Variants in C2orf74 observed in about 807,000 individuals in gnomAD.
C2orf74 encodes the protein DPM1 ER membrane anchor 1.
C2orf74 carries 14 observed loss-of-function variants against 17.9 expected under a neutral mutation model. That is an observed-to-expected ratio of 0.78 (90% CI 0.52 to 1.22). The LOEUF (loss-of-function observed/expected upper bound fraction) is 1.22, where lower values mean the gene tolerates loss of function less well. Among genes scored for constraint, C2orf74 ranks in the 50% most tolerant of loss-of-function variants. C2orf74 has a pLI of 0.00. For synonymous variants in C2orf74, 79 were observed against 72.6 expected, an observed-to-expected ratio of 1.09 and a Z score of -0.44; for missense variants, 217 against 218.4, an observed-to-expected ratio of 0.99 and a Z score of 0.04.
At chr2:61,158,198 G>T (rs140223092), upstream of C2orf74, among the ~76,000 whole-genome samples, 632 of 152,244 alleles carry the variant, frequency 4.2e-3, 3 homozygotes, top group South Asian at 9.5e-3. Context: ...CCACATTAAG[G>T]TCCAGATACC....
Position 61,147,487 on chromosome 2 carries a change from A to G in C2orf74, c.-122+2291A>G, listed in dbSNP as rs527434025. ...GTATCGAAAACCTTCCTCTTGCTGC[A>G]TGTCCTCACCAGTTCTTAGAATTGA... On this transcript the variant is annotated intron_variant, in intron 1 of 3. Transcript: ENST00000426997. Among the ~76,000 whole-genome samples the G allele has an allele frequency of 8.5e-5, 13 of 152,302 alleles. No homozygotes were observed. The East Asian group carries it at 2.5e-3, about 29-fold the overall frequency.
chr2:61,146,383 T>C (rs1685070534), intron 1 of C2orf74, among the ~76,000 whole-genome samples: 2 of 152,200 alleles, frequency 1.3e-5, no homozygotes, highest in Non-Finnish European at 2.9e-5. Context: ...AAGAAACTAA[T>C]AGTCATGGTT....
intron 1 of C2orf74, among the ~76,000 whole-genome samples, chr2:61,147,194 A>G (rs1685096872): frequency 6.8e-6 from 1 of 147,432 alleles, no homozygotes; most frequent in South Asian, 2.1e-4. Flanking sequence ...AAAAAAGGTG[A>G]AATTATGGGA....
intron 4 of C2orf74, among the ~76,000 whole-genome samples, chr2:61,163,616 T>A (rs1466665531): frequency 1.3e-5 from 2 of 150,634 alleles, no homozygotes; most frequent in African/African-American, 4.9e-5. Flanking sequence ...AAAATAATAA[T>A]AATAATAAAT....
intron 1 of C2orf74, among the ~76,000 whole-genome samples, chr2:61,156,433 C>CT (rs1685394150): frequency 6.6e-6 from 1 of 151,792 alleles, no homozygotes; most frequent in Non-Finnish European, 1.5e-5. Flanking sequence ...AACAATGAAA[C>CT]AAAATGGATG....
At position 61,145,168 on chromosome 2, in the gene C2orf74, C is replaced by T. The variant is rs1029894947; in HGVS notation, c.-150C>T. 5 of 152,200 alleles carry T rather than the reference C, an allele frequency of 3.3e-5. No homozygotes were observed. The East Asian group carries it at 9.4e-4, about 29-fold the overall frequency. The allele number at this position is 152,200 out of a possible 1,614,324, so 9.4% of individuals were successfully genotyped here. ...GAGAGTCTTAAAATCCTGCTCTGGC[C>T]GGATTCCAGACTCGTGGGGGAAAGG... On this transcript the variant is annotated 5_prime_UTR_variant, in exon 1 of 4. Coordinates refer to the C2orf74 transcript ENST00000426997.
At chr2:61,163,708 AT>A (rs1685644903) in intron 4 of C2orf74, among the ~76,000 whole-genome samples, 1 of 152,142 alleles carries the variant, frequency 6.6e-6, no homozygotes, top group Non-Finnish European at 1.5e-5. Context: ...CATTTAAGCC[AT>A]TCTGGTTGCT....
chr2:61,151,111 T>G (rs1459133658), intron 1 of C2orf74, among the ~76,000 whole-genome samples: 1 of 150,240 alleles, frequency 6.7e-6, no homozygotes, highest in Non-Finnish European at 1.5e-5. Flanking sequence ...AGGTCAGGAG[T>G]TCAAGACCAG....
intron 1 of C2orf74, among the ~76,000 whole-genome samples, chr2:61,150,460 A>C (rs1685192333): frequency 6.6e-6 from 1 of 152,206 alleles, no homozygotes; most frequent in Admixed American, 6.5e-5. Flanking sequence ...CACTAACAGG[A>C]TCATCCTGCG....
chr2:61,160,231 G>A (rs1156873647), upstream of C2orf74, among the ~76,000 whole-genome samples: 2 of 151,698 alleles, frequency 1.3e-5, no homozygotes, highest in Non-Finnish European at 2.9e-5. Flanking sequence ...TGCAATTTTG[G>A]CTGACTGCGA....
At chr2:61,147,228 T>C (rs566210405) in intron 1 of C2orf74, among the ~76,000 whole-genome samples, 77 of 151,964 alleles carry the variant, frequency 5.1e-4, no homozygotes, top group Non-Finnish European at 9.6e-4. Context: ...CTTTCCTTTT[T>C]TTTTTTTGAC....
chr2:61,162,482 T>C lies in C2orf74; in HGVS notation c.-33T>C, dbSNP rs1476060613. The C allele has an allele frequency of 4.8e-6, 7 of 1,470,194 alleles. No homozygotes were observed. Among genetic ancestry groups the C allele is most frequent in the African/African-American group, 2.8e-5 (2 of 71,194 alleles). 91.1% of individuals were successfully genotyped at this position (1,470,194 alleles called of 1,614,324 possible). On this transcript the variant is annotated 5_prime_UTR_variant, in exon 2 of 5. Coordinates refer to ENST00000432605, the MANE Select transcript of C2orf74 (RefSeq NM_001143959.4). The stretch of plus-strand genomic sequence containing the variant: ...AAAAGAATATTTGGACAGTCTGTGA[T>C]TGTGAGAGTGGATGAGTCTTCTAGC...
At chr2:61,151,684 A>G (rs1295103864) in intron 1 of C2orf74, 2 of 152,226 alleles carry the variant, frequency 1.3e-5, no homozygotes, top group East Asian at 3.9e-4. Flanking sequence ...TCCTTACAAC[A>G]TGGCAACTGG....
intron 1 of C2orf74, among the ~76,000 whole-genome samples, chr2:61,150,350 A>C (rs1378962270): frequency 1.3e-5 from 2 of 152,190 alleles, no homozygotes; most frequent in Non-Finnish European, 2.9e-5. Flanking sequence ...GCAAGAGTAT[A>C]GCTGGCATTA....
chr2:61,157,817 C>T (rs1685436329), upstream of C2orf74: 6 of 463,366 alleles, frequency 1.3e-5, no homozygotes, highest in Admixed American at 7.1e-5. Flanking sequence ...GTCCTTTGAG[C>T]GTGCTCACTC....
Position 61,153,615 on chromosome 2 carries a change from G to A in C2orf74, c.-122+8419G>A, listed in dbSNP as rs543526798. 4.6e-5 allele frequency among the ~76,000 whole-genome samples: 7 copies of A among 150,582 alleles called. No individual in the cohort carries two copies. In the East Asian group the frequency reaches 8.0e-4, roughly 17 times the overall value. ...GAAATTTAAAATGTATAAACTGGGC[G>A]CGGTGGCTCACGCCTGTAATCCCAG... On this transcript the variant is annotated intron_variant, in intron 1 of 3. Transcript: ENST00000426997.
chr2:61,146,875 G>A (rs932144450), intron 1 of C2orf74, among the ~76,000 whole-genome samples: 1 of 151,768 alleles, frequency 6.6e-6, no homozygotes, highest in East Asian at 1.9e-4. Context: ...TGGAGGCTGG[G>A]TGTGTGGCTC....
chr2:61,154,356 G>T (rs1489067638), intron 1 of C2orf74, among the ~76,000 whole-genome samples: 2 of 152,136 alleles, frequency 1.3e-5, no homozygotes, highest in Non-Finnish European at 2.9e-5. Context: ...GGGAAAGTTT[G>T]AGAAATTGTC....
chr2:61,157,816 G>A, upstream of C2orf74: 1 of 463,772 alleles, frequency 2.2e-6, no homozygotes, highest in Non-Finnish European at 4.5e-6. Flanking sequence ...AGTCCTTTGA[G>A]CGTGCTCACT....
Sources: gnomAD v4.1 joint callset for allele counts (sites outside exome capture counted in the v4.1 genomes callset) on GRCh38, gnomAD v4.1.1 for gene constraint, MANE v1.5 for transcripts, NCBI Gene and HGNC (gene_info 2026-07-23, HGNC 2026-07-21) for gene names.